Variants in SAMD12 observed in about 807,000 individuals in gnomAD.
SAMD12 encodes sterile alpha motif domain-containing protein 12.
In SAMD12, 9 loss-of-function variants were observed where a neutral mutation model predicts 15.0. The ratio of observed to expected loss-of-function variants is 0.60; its 90% CI spans 0.36 to 1.05. The LOEUF is 1.05. Among genes scored for constraint, SAMD12 ranks in the 50% least tolerant of loss-of-function variants. SAMD12 has a pLI of 0.01. For missense variants in SAMD12, 230 were observed against 234.2 expected (o/e 0.98, Z 0.12); for synonymous variants, 86 against 90.1 (o/e 0.96, Z 0.25).
chr8:118,511,257 A>C (rs962156507), intron 2 of SAMD12, among the ~76,000 whole-genome samples: 7 of 152,246 alleles, frequency 4.6e-5, no homozygotes, highest in Non-Finnish European at 1.0e-4. Flanking sequence ...GAAGGGGAAG[A>C]AAGATCGATT....
chr8:118,548,512 G>A (rs1324056323), intron 2 of SAMD12, among the ~76,000 whole-genome samples: 1 of 151,964 alleles, frequency 6.6e-6, no homozygotes, highest in East Asian at 1.9e-4. Flanking sequence ...TTACTCTAAA[G>A]GTATTTGTTA....
chr8:118,573,306 G>A (rs568829904), intron 2 of SAMD12, among the ~76,000 whole-genome samples: 15 of 152,178 alleles, frequency 9.9e-5, no homozygotes, highest in East Asian at 9.7e-4. Flanking sequence ...TGCTGGTCTC[G>A]AACTCCTGAC....
chr8:118,335,811 G>A (rs1563772623), intron 4 of SAMD12, among the ~76,000 whole-genome samples: 1 of 152,142 alleles, frequency 6.6e-6, no homozygotes, highest in African/African-American at 2.4e-5. Context: ...GCATGATCAT[G>A]GCTCACCGCA....
intron 4 of SAMD12, among the ~76,000 whole-genome samples, chr8:118,241,036 C>T (rs1812550975): frequency 6.6e-6 from 1 of 152,162 alleles, no homozygotes; most frequent in African/African-American, 2.4e-5. Context: ...CCACCTGACC[C>T]CCAGCTCATT....
chr8:118,288,413 CTAATTT>C (rs1473132582), intron 4 of SAMD12: 1 of 152,026 alleles, frequency 6.6e-6, no homozygotes. Flanking sequence ...CACAAAAATT[CTAATTT>C]TGATTGCCTT....
chr8:118,199,587 C>G (rs772493251), intron 4 of SAMD12, among the ~76,000 whole-genome samples: 6 of 152,098 alleles, frequency 3.9e-5, no homozygotes, highest in Non-Finnish European at 7.4e-5. Flanking sequence ...ACTTTGGAAC[C>G]TGAGTCATGA....
chr8:118,510,601 C>G (rs1352304730), intron 2 of SAMD12, among the ~76,000 whole-genome samples: 1 of 152,158 alleles, frequency 6.6e-6, no homozygotes, highest in South Asian at 2.1e-4. Context: ...CACCCTCCCC[C>G]AGGGTTATGC....
chr8:118,518,035 A>T (rs1825291496), intron 2 of SAMD12, among the ~76,000 whole-genome samples: 1 of 152,196 alleles, frequency 6.6e-6, no homozygotes, highest in African/African-American at 2.4e-5. Flanking sequence ...CCCAGGAAAA[A>T]GGGGTAATTA....
chr8:118,380,187 A>G (rs1408788534), intron 3 of SAMD12, among the ~76,000 whole-genome samples: 1 of 152,150 alleles, frequency 6.6e-6, no homozygotes, highest in Non-Finnish European at 1.5e-5. Flanking sequence ...ATATAATAAC[A>G]TTTCTGAGAA....
chr8:118,601,172 A>G (rs1488507850), intron 1 of SAMD12, among the ~76,000 whole-genome samples: 2 of 152,158 alleles, frequency 1.3e-5, no homozygotes, highest in African/African-American at 2.4e-5. Flanking sequence ...TTATTTTCCA[A>G]TGGGTATATA....
rs1328748752 is a variant in SAMD12, at chr8:118,348,932, G to A, written c.433+30628C>T. On this transcript the variant is annotated intron_variant, in intron 4 of 4. Transcript: ENST00000409003. Reference sequence around the variant, plus strand: ...CAATTCCAGGAAGTAAACACAGACTGTCACAGGCCAAGAGGCACCATTAAT... The same window carrying A: ...CAATTCCAGGAAGTAAACACAGACTATCACAGGCCAAGAGGCACCATTAAT... Among the ~76,000 whole-genome samples, 4 of 152,228 alleles carry A rather than the reference G, an allele frequency of 2.6e-5. No individual in the cohort carries two copies. In the East Asian group the frequency reaches 7.7e-4, roughly 29 times the overall value.
chr8:118,297,587 A>T (rs1814780101), intron 4 of SAMD12, among the ~76,000 whole-genome samples: 1 of 152,260 alleles, frequency 6.6e-6, no homozygotes, highest in Admixed American at 6.5e-5. Context: ...TGCCAATTAA[A>T]ATTGTATTCT....
intron 4 of SAMD12, among the ~76,000 whole-genome samples, chr8:118,361,514 G>T (rs543729786): frequency 6.2e-4 from 95 of 152,160 alleles, no homozygotes; most frequent in Non-Finnish European, 1.1e-3. Context: ...ATTTTTGGAG[G>T]GAAAGACTGA....
the SAMD12 span, among the ~76,000 whole-genome samples, chr8:118,142,318 T>G: frequency 1.3e-5 from 2 of 152,138 alleles, no homozygotes; most frequent in African/African-American, 2.4e-5. Flanking sequence ...CCCCTTTACC[T>G]CTACGAAAAG....
intron 2 of SAMD12, among the ~76,000 whole-genome samples, chr8:118,579,871 C>G (rs1052834184): frequency 2.0e-5 from 3 of 152,134 alleles, no homozygotes; most frequent in African/African-American, 7.2e-5. Context: ...ACTGTGCCCC[C>G]AACATGAACA....
chr8:118,261,352 T>G (rs754887918), intron 4 of SAMD12, among the ~76,000 whole-genome samples: 4 of 152,072 alleles, frequency 2.6e-5, no homozygotes, highest in Non-Finnish European at 5.9e-5. Context: ...AATCAAAGCA[T>G]GAAATTTCTG....
Position 118,468,837 on chromosome 8 carries a change from C to T in SAMD12, c.193-28876G>A, listed in dbSNP as rs569871658. On this transcript the variant is annotated intron_variant, in intron 2 of 3. Transcript: ENST00000314727. The stretch of plus-strand genomic sequence containing the variant: ...GAAGGGAGGTACAAAAAGCAATTGC[C>T]AAGCTAAGGAGATATAGCACGGTAG... 9.9e-5 allele frequency among the ~76,000 whole-genome samples: 15 copies of T among 152,248 alleles called. No individual in the cohort carries two copies. The South Asian group carries it at 3.1e-3, about 32-fold the overall frequency.
Position 118,415,448 on chromosome 8 carries a change from GGTGTGTGTGTGTGTGT to G in SAMD12, c.322+24368_322+24383del, listed in dbSNP as rs58176749. Reference sequence around the variant, plus strand: ...AAGTAAATAAATAACCTTGTCCTAAGGTGTGTGTGTGTGTGTGTGTGTGTGTGTGTGTGTGTGTGTA... The same window carrying G: ...AAGTAAATAAATAACCTTGTCCTAAGGTGTGTGTGTGTGTGTGTGTGTGTA... On this transcript the variant is annotated intron_variant, in intron 3 of 3. Transcript: ENST00000314727. Among the ~76,000 whole-genome samples the G allele has an allele frequency of 1.0e-4, 15 of 142,952 alleles. No individual in the cohort carries two copies. In the South Asian group the frequency reaches 2.7e-3, roughly 25 times the overall value. 93.8% of individuals were successfully genotyped at this position (142,952 alleles called of 152,430 possible).
At chr8:118,252,785 T>C (rs954452728) in intron 4 of SAMD12, among the ~76,000 whole-genome samples, 5 of 152,216 alleles carry the variant, frequency 3.3e-5, no homozygotes, top group African/African-American at 1.2e-4. Context: ...AGCTCACTGG[T>C]GGCCCAAGCA....
Sources: gnomAD v4.1 joint callset for allele counts (sites outside exome capture counted in the v4.1 genomes callset) on GRCh38, gnomAD v4.1.1 for gene constraint, MANE v1.5 for transcripts, NCBI Gene and HGNC (gene_info 2026-07-23, HGNC 2026-07-21) for gene names.